The following TEX2 variants were observed in gnomAD, a reference collection of about 807,000 sequenced individuals.
TEX2 encodes the protein testis expressed 2.
In TEX2, 53 loss-of-function variants were observed where a neutral mutation model predicts 106.9. The observed-to-expected ratio is 0.50, with a 90% CI of 0.40 to 0.62. TEX2 has a LOEUF of 0.62. Ranked by LOEUF, TEX2 falls within the 20% of genes least tolerant of loss-of-function variation. The probability of loss-of-function intolerance (pLI) is 0.00; values close to 1 mark genes in which losing one functional copy is unlikely to be tolerated. For missense variants in TEX2, 1,207 were observed against 1,379.0 expected (o/e 0.88, Z 1.98); for synonymous variants, 523 against 534.8 (o/e 0.98, Z 0.30).
At chr17:64,169,049 T>C (rs80281320) in intron 7 of TEX2, among the ~76,000 whole-genome samples, 2 of 151,910 alleles carry the variant, frequency 1.3e-5, no homozygotes, top group Non-Finnish European at 2.9e-5. Context: ...TCTTTCTTTC[T>C]TTTTTTTAAG....
Position 64,153,065 on chromosome 17 carries a change from T to G in TEX2, c.3020A>C (p.Glu1007Ala), listed in dbSNP as rs1186278873. ...SKYFQKATET[E>A]FIKKKIEEVS... Reference sequence around the variant, plus strand: ...TTCTTCGATCTTCTTTTTAATAAACTCTGTCTCTGTTGCTTTTTGGAAATA... The same window carrying G: ...TTCTTCGATCTTCTTTTTAATAAACGCTGTCTCTGTTGCTTTTTGGAAATA... Residue 1007 changes from glutamate (E) to alanine (A), a missense_variant, in exon 10 of 12, where the codon GAG becomes GCG. Physicochemically the swap from Glu to Ala is moderately radical, Grantham distance 107. Around this residue, in one of 3 missense-constraint regions of TEX2, gnomAD observed 63 missense variants for 112.2 expected, o/e 0.56. Coordinates refer to ENST00000584379, the MANE Select transcript of TEX2 (RefSeq NM_001288732.2). This position sits in a 1 kb window ranked among gnomAD's most constrained non-coding sequence, Gnocchi z 4.1. The G allele has an allele frequency of 3.7e-6, 6 of 1,613,996 alleles. No individual in the cohort carries two copies. Among genetic ancestry groups the G allele is most frequent in the Non-Finnish European group, 5.1e-6 (6 of 1,179,952 alleles).
At chr17:64,259,662 A>G (rs2034253561) in intron 1 of TEX2, among the ~76,000 whole-genome samples, 2 of 152,210 alleles carry the variant, frequency 1.3e-5, no homozygotes, top group South Asian at 4.1e-4. Context: ...GGCAAATCTT[A>G]CGAGATGCTT....
chr17:64,212,153 C>T (rs1255899875), intron 2 of TEX2, among the ~76,000 whole-genome samples: 1 of 152,226 alleles, frequency 6.6e-6, no homozygotes, highest in Admixed American at 6.5e-5. Context: ...CAGGGGCCAA[C>T]AGCTGACATT....
intron 5 of TEX2, among the ~76,000 whole-genome samples, chr17:64,183,232 A>G (rs12938079): frequency 0.72 from 108,980 of 152,180 alleles, 39,128 homozygotes; most frequent in East Asian, 0.83. Context: ...TATTGTGAAT[A>G]ATGCTACTAT....
At chr17:64,158,622 G>A (rs1598119500) in intron 8 of TEX2, among the ~76,000 whole-genome samples, 1 of 152,334 alleles carries the variant, frequency 6.6e-6, no homozygotes, top group Admixed American at 6.5e-5. Context: ...GACTGAGGAA[G>A]TGAAGTGGAT....
At chr17:64,182,443 A>G (rs1477875257) in intron 5 of TEX2, among the ~76,000 whole-genome samples, 1 of 152,234 alleles carries the variant, frequency 6.6e-6, no homozygotes, top group East Asian at 1.9e-4. Context: ...TATACATTTT[A>G]AAATGATTAA....
Position 64,214,154 on chromosome 17 carries a change from T to C in TEX2, c.64A>G (p.Lys22Glu). ...TTDMPKPSAPKVHVQRSVSRD... is the reference protein window; with the variant it reads ...TTDMPKPSAPEVHVQRSVSRD... ...GACACGGACCTCTGCACGTGCACTT[T>C]AGGGGCTGATGGTTTTGGCATGTCA... Residue 22 changes from lysine (K) to glutamate (E), a missense_variant, in exon 2 of 12, where the codon AAA (lysine) becomes GAA (glutamate). Lys to Glu is a moderately conservative substitution (Grantham distance 56). Transcript: ENST00000584379. The C allele has an allele frequency of 6.2e-7, 1 of 1,614,138 alleles. No homozygotes were observed. Among genetic ancestry groups the C allele is most frequent in the Non-Finnish European group, 8.5e-7 (1 of 1,180,018 alleles).
At chr17:64,232,059 G>A (rs1294405696) in intron 1 of TEX2, among the ~76,000 whole-genome samples, 1 of 152,186 alleles carries the variant, frequency 6.6e-6, no homozygotes, top group African/African-American at 2.4e-5. Flanking sequence ...TCAGGCAGCT[G>A]TGACCATTAA....
intron 4 of TEX2, 95 bp downstream of exon 4, chr17:64,193,463 GC>G: frequency 2.0e-6 from 2 of 993,982 alleles, no homozygotes; most frequent in African/African-American, 1.7e-5. Flanking sequence ...TTCAGGGTGG[GC>G]TTCCTTCCTT....
chr17:64,160,591 C>T (rs370929531), intron 8 of TEX2, among the ~76,000 whole-genome samples: 4 of 152,106 alleles, frequency 2.6e-5, no homozygotes, highest in Admixed American at 6.5e-5. Context: ...AGGTCAAAGG[C>T]GCTGTCACAG....
At chr17:64,155,029 A>C in intron 8 of TEX2, 62 bp from the exon 9 acceptor site, 1 of 1,487,710 alleles carries the variant, frequency 6.7e-7, no homozygotes, top group Non-Finnish European at 8.9e-7. Context: ...TAGAAAGAGA[A>C]CACACACACC....
intron 7 of TEX2, among the ~76,000 whole-genome samples, chr17:64,161,701 C>T (rs922554863): frequency 2.0e-5 from 3 of 152,032 alleles, no homozygotes; most frequent in Non-Finnish European, 4.4e-5. Context: ...AAAATGCAAA[C>T]AGGGTTTATC....
intron 6 of TEX2, among the ~76,000 whole-genome samples, chr17:64,171,905 TG>T (rs1465735907): frequency 6.8e-6 from 1 of 148,102 alleles, no homozygotes; most frequent in Non-Finnish European, 1.5e-5. Context: ...CACTTGAACC[TG>T]GGGGCAGAGG....
chr17:64,254,882 T>C (rs2034156141), intron 1 of TEX2, among the ~76,000 whole-genome samples: 1 of 152,154 alleles, frequency 6.6e-6, no homozygotes, highest in Non-Finnish European at 1.5e-5. Context: ...GATTTTTAGA[T>C]ACAGGGTCTT....
chr17:64,172,180 C>CT (rs1252159367), intron 6 of TEX2, among the ~76,000 whole-genome samples: 3 of 151,650 alleles, frequency 2.0e-5, no homozygotes, highest in Non-Finnish European at 4.4e-5. Flanking sequence ...CGGTGAAACC[C>CT]GTCTCTACTA....
rs935605691 is a variant in TEX2 at position 64,148,407 on chromosome 17, G to C, written c.*562C>G. On this transcript the variant is annotated 3_prime_UTR_variant, in exon 12 of 12. Transcript: ENST00000584379. ...TGTTGTGTGTGTACTATGGCTACTT[G>C]CTTCCCAAATGCACAATTTAATGTG... 2.6e-5 allele frequency: 4 copies of C among 153,382 alleles called. No individual in the cohort carries two copies. The highest frequency in any genetic ancestry group is 7.2e-5 in the African/African-American group (3 of 41,406). The allele number at this position is 153,382 out of a possible 1,614,324, so 9.5% of individuals were successfully genotyped here.
At chr17:64,187,946 C>T (rs1010443225) in intron 5 of TEX2, among the ~76,000 whole-genome samples, 4 of 152,160 alleles carry the variant, frequency 2.6e-5, no homozygotes, top group Non-Finnish European at 5.9e-5. Context: ...GGCCACTTCC[C>T]CTCCTCCCTT....
rs533785352 is a variant in TEX2 at position 64,228,239 on chromosome 17, C to T, written c.-25-13997G>A. On this transcript the variant is annotated intron_variant, in intron 1 of 11. Transcript: ENST00000584379. Reference sequence around the variant, plus strand: ...GGAAAAGTGAAATTTTCTCCTCCTCCCTGCAAAATCAGCTTCATGGAAGAC... The same window carrying T: ...GGAAAAGTGAAATTTTCTCCTCCTCTCTGCAAAATCAGCTTCATGGAAGAC... Among the ~76,000 whole-genome samples the T allele has an allele frequency of 2.0e-4, 31 of 152,276 alleles. No homozygotes were observed. In the South Asian group the frequency reaches 6.2e-3, roughly 31 times the overall value.
intron 1 of TEX2, among the ~76,000 whole-genome samples, chr17:64,248,332 T>A (rs1163828557): frequency 2.0e-5 from 3 of 152,202 alleles, no homozygotes; most frequent in Non-Finnish European, 4.4e-5. Flanking sequence ...TAATGCTACT[T>A]AAAGAGTTAA....
Sources: gnomAD v4.1 joint callset for allele counts (sites outside exome capture counted in the v4.1 genomes callset) on GRCh38, gnomAD v4.1.1 for gene constraint, gnomAD v4.1.1 regional missense constraint, Gnocchi (gnomAD v3.1) non-coding constraint, MANE v1.5 for transcripts, NCBI Gene and HGNC (gene_info 2026-07-23, HGNC 2026-07-21) for gene names.